ZNF385D: variants seen among roughly 807,000 people sequenced by gnomAD.
The protein encoded by ZNF385D is zinc finger protein 385D.
A neutral mutation model predicts 35.8 loss-of-function variants in ZNF385D; 15 were observed. The observed-to-expected ratio is 0.42, with a 90% CI of 0.28 to 0.64. The LOEUF (loss-of-function observed/expected upper bound fraction) is 0.64. Ranked by LOEUF, ZNF385D falls within the 30% of genes least tolerant of loss-of-function variation. ZNF385D has a pLI of 0.23. For synonymous variants in ZNF385D, 212 were observed against 186.8 expected (o/e 1.13, Z -1.10); for missense variants, 474 against 494.6 (o/e 0.96, Z 0.39).
In ZNF385D at chr3:21,460,666, A is replaced by G. The variant is rs146710012; in HGVS notation, c.440-23463T>C. On this transcript the variant is annotated intron_variant, in intron 4 of 7. Coordinates refer to ENST00000281523, the MANE Select transcript of ZNF385D (RefSeq NM_024697.3). ...TGTACATGTGTAAAAAATATTTTAT[A>G]TCATTTTCTATTCACTACAATTTTT... Among the ~76,000 whole-genome samples the G allele has an allele frequency of 2.3e-3, 352 of 152,066 alleles. 2 individuals carry two copies. Among genetic ancestry groups the G allele is most frequent in the Non-Finnish European group, 4.3e-3 (294 of 68,022 alleles).
chr3:21,647,607 G>C (rs1199673851), intron 2 of ZNF385D, among the ~76,000 whole-genome samples: 1 of 152,056 alleles, frequency 6.6e-6, no homozygotes, highest in Non-Finnish European at 1.5e-5. Flanking sequence ...CTAAAATAAT[G>C]ATTTCATTCT....
chr3:21,430,926 A>G (rs1701265541), intron 5 of ZNF385D: 2 of 152,180 alleles, frequency 1.3e-5, no homozygotes, highest in South Asian at 4.1e-4. Flanking sequence ...TTTTGTTTGC[A>G]TTTTGTGTAA....
intron 2 of ZNF385D, among the ~76,000 whole-genome samples, chr3:21,648,955 G>A (rs1456547573): frequency 6.6e-6 from 1 of 151,788 alleles, no homozygotes; most frequent in Admixed American, 6.6e-5. Flanking sequence ...TGAGGCACAG[G>A]GAGACCAAGT....
intron 3 of ZNF385D, among the ~76,000 whole-genome samples, chr3:22,026,746 A>T (rs1223244181): frequency 3.9e-5 from 6 of 152,184 alleles, no homozygotes; most frequent in Non-Finnish European, 8.8e-5. Context: ...TACCTAGAAA[A>T]ATAGTAAATC....
intron 3 of ZNF385D, among the ~76,000 whole-genome samples, chr3:21,994,134 C>T (rs1489637887): frequency 6.6e-6 from 1 of 152,164 alleles, no homozygotes. Flanking sequence ...TTCCTTGCTG[C>T]AGCAAGCTAA....
chr3:22,112,931 T>C (rs1702614004), intron 3 of ZNF385D, among the ~76,000 whole-genome samples: 1 of 152,116 alleles, frequency 6.6e-6, no homozygotes, highest in South Asian at 2.1e-4. Context: ...ATGTTATACA[T>C]TGGTAGAAAA....
chr3:21,667,596 G>A (rs1279839950), intron 1 of ZNF385D, among the ~76,000 whole-genome samples: 3 of 152,204 alleles, frequency 2.0e-5, no homozygotes, highest in Non-Finnish European at 4.4e-5. Flanking sequence ...AAAGAAATAT[G>A]TTGATAAACT....
At chr3:21,796,961 T>C (rs1383414588) in intron 3 of ZNF385D, among the ~76,000 whole-genome samples, 1 of 152,188 alleles carries the variant, frequency 6.6e-6, no homozygotes, top group Admixed American at 6.5e-5. Flanking sequence ...CAGCTGAGTC[T>C]CTTGGAGTGG....
intron 3 of ZNF385D, among the ~76,000 whole-genome samples, chr3:21,996,435 C>T (rs896639139): frequency 1.3e-5 from 2 of 152,186 alleles, no homozygotes; most frequent in Non-Finnish European, 2.9e-5. Flanking sequence ...TCAGTGTTCT[C>T]TCTCAGATGA....
intron 3 of ZNF385D, among the ~76,000 whole-genome samples, chr3:21,866,038 GTATCTATT>G (rs1697332341): frequency 6.6e-6 from 1 of 151,658 alleles, no homozygotes; most frequent in Non-Finnish European, 1.5e-5. Flanking sequence ...ACATTCATGT[GTATCTATT>G]TATAACATTA....
chr3:21,912,378 G>A lies in ZNF385D; in HGVS notation c.326-247350C>T, dbSNP rs551025008. ...CTGGGGAGATGACAGTTAACATCAA[G>A]TTTTAAGAGGGTAATCTCTTACAAT... On this transcript the variant is annotated intron_variant, in intron 3 of 5. Coordinates refer to the ZNF385D transcript ENST00000494108. 1.3e-4 allele frequency among the ~76,000 whole-genome samples: 20 copies of A among 152,120 alleles called. No individual in the cohort carries two copies. In the East Asian group the frequency reaches 3.3e-3, roughly 25 times the overall value.
At chr3:21,819,596 T>C (rs969909919) in intron 3 of ZNF385D, among the ~76,000 whole-genome samples, 1 of 148,148 alleles carries the variant, frequency 6.8e-6, no homozygotes. Context: ...GTGCTACATA[T>C]GTGTGTATAT....
At chr3:21,858,966 T>C (rs1409639625) in intron 3 of ZNF385D, among the ~76,000 whole-genome samples, 2 of 152,054 alleles carry the variant, frequency 1.3e-5, no homozygotes, top group Admixed American at 6.6e-5. Flanking sequence ...TCTCAAGATA[T>C]ATAGAAACTG....
intron 2 of ZNF385D, among the ~76,000 whole-genome samples, chr3:21,610,236 C>T (rs2125787146): frequency 6.6e-6 from 1 of 151,936 alleles, no homozygotes; most frequent in Admixed American, 6.6e-5. Context: ...CAACAAAGGA[C>T]AAACATTGTG....
chr3:21,920,954 G>A (rs1373379675), intron 3 of ZNF385D, among the ~76,000 whole-genome samples: 1 of 152,068 alleles, frequency 6.6e-6, no homozygotes. Context: ...AGTGGCTCAT[G>A]CTTGTAATCC....
At chr3:21,434,788 G>C (rs1361600331) in intron 5 of ZNF385D, among the ~76,000 whole-genome samples, 1 of 152,092 alleles carries the variant, frequency 6.6e-6, no homozygotes, top group East Asian at 1.9e-4. Context: ...TTTTCAAACA[G>C]AAAAAGATCT....
At chr3:21,584,759 C>G (rs1295836230) in intron 2 of ZNF385D, among the ~76,000 whole-genome samples, 3 of 152,196 alleles carry the variant, frequency 2.0e-5, no homozygotes, top group Middle Eastern at 6.8e-3. Flanking sequence ...GTTTTCAGCC[C>G]TACTGGTCCC....
At chr3:22,150,843 T>C (rs948668873) in intron 3 of ZNF385D, among the ~76,000 whole-genome samples, 1 of 152,014 alleles carries the variant, frequency 6.6e-6, no homozygotes, top group Non-Finnish European at 1.5e-5. Flanking sequence ...GTAGAGTGCA[T>C]ATAAGGGTGG....
chr3:22,237,308 CT>C (rs1699242303), intron 2 of ZNF385D, among the ~76,000 whole-genome samples: 1 of 152,074 alleles, frequency 6.6e-6, no homozygotes, highest in Non-Finnish European at 1.5e-5. Context: ...TGCCTACTGG[CT>C]ATTTGTATAT....
Sources: allele counts gnomAD v4.1 joint callset (sites outside exome capture counted in the v4.1 genomes callset), GRCh38; gene constraint gnomAD v4.1.1; transcripts MANE v1.5; gene names NCBI Gene and HGNC (gene_info 2026-07-23, HGNC 2026-07-21).